Variants in AFG1L observed in about 807,000 individuals in gnomAD.
AFG1L encodes AFG1-like ATPase.
In AFG1L, 53 loss-of-function variants were observed where a neutral mutation model predicts 62.2. The ratio of observed to expected loss-of-function variants is 0.85; its 90% CI spans 0.68 to 1.07. The LOEUF (loss-of-function observed/expected upper bound fraction) is 1.07. AFG1L is among the 50% of genes least tolerant of loss of function. The pLI, the probability that AFG1L is intolerant of heterozygous loss-of-function variation, is 0.00. For missense variants in AFG1L, 555 were observed against 590.5 expected (o/e 0.94, Z 0.62); for synonymous variants, 228 against 210.3 (o/e 1.08, Z -0.73).
chr6:108,398,537 A>G (rs1015747325), intron 6 of AFG1L, among the ~76,000 whole-genome samples: 3 of 152,170 alleles, frequency 2.0e-5, no homozygotes, highest in East Asian at 1.9e-4. Flanking sequence ...GCTCAGACCA[A>G]TGTCCTGGAG....
chr6:108,436,468 C>A (rs1771315047), intron 7 of AFG1L, among the ~76,000 whole-genome samples: 1 of 152,088 alleles, frequency 6.6e-6, no homozygotes, highest in Non-Finnish European at 1.5e-5. Context: ...ACAAATAAAC[C>A]AATCTGTTTA....
At chr6:108,430,746 A>T (rs113664127) in intron 7 of AFG1L, among the ~76,000 whole-genome samples, 56 of 152,334 alleles carry the variant, frequency 3.7e-4, no homozygotes, top group African/African-American at 1.3e-3. Context: ...CTGTGACTAA[A>T]CATTTATTCT....
At chr6:108,332,897 C>T (rs867695349) in intron 2 of AFG1L, among the ~76,000 whole-genome samples, 3 of 152,180 alleles carry the variant, frequency 2.0e-5, no homozygotes, top group East Asian at 3.9e-4. Flanking sequence ...TGAGCCATCA[C>T]GCCCAGCCAG....
At chr6:108,328,024 T>G (rs549632320) in intron 2 of AFG1L, among the ~76,000 whole-genome samples, 11 of 152,330 alleles carry the variant, frequency 7.2e-5, no homozygotes, top group African/African-American at 2.6e-4. Context: ...ACAATGGTTA[T>G]AGGTAATGAT....
At chr6:108,312,989 A>G (rs17069479) in intron 1 of AFG1L, among the ~76,000 whole-genome samples, 1,801 of 152,274 alleles carry the variant, frequency 0.012, 34 homozygotes, top group African/African-American at 0.041. Context: ...TTTCACAGGT[A>G]GAAGTACAAA....
intron 8 of AFG1L, among the ~76,000 whole-genome samples, chr6:108,459,043 G>T (rs145401469): frequency 6.6e-6 from 1 of 152,208 alleles, no homozygotes; most frequent in African/African-American, 2.4e-5. Flanking sequence ...GCTTTAGTAG[G>T]ACTTTCCTCT....
intron 10 of AFG1L, among the ~76,000 whole-genome samples, chr6:108,486,753 C>G (rs1478136433): frequency 6.6e-6 from 1 of 152,002 alleles, no homozygotes; most frequent in Admixed American, 6.6e-5. Flanking sequence ...GAGTCTTGCT[C>G]TGTCACCCAG....
At chr6:108,309,444 A>G (rs1777322798) in intron 1 of AFG1L, among the ~76,000 whole-genome samples, 3 of 152,170 alleles carry the variant, frequency 2.0e-5, no homozygotes, top group Admixed American at 1.3e-4. Flanking sequence ...TTCTTTTTCA[A>G]GATTGACCAG....
At chr6:108,366,443 CTTA>C (rs1445191538) in intron 6 of AFG1L, 111 bp downstream of exon 6, 2 of 574,140 alleles carry the variant, frequency 3.5e-6, no homozygotes, top group Non-Finnish European at 5.8e-6. Context: ...GATGACTTTG[CTTA>C]TTATTAGTTT....
intron 6 of AFG1L, among the ~76,000 whole-genome samples, chr6:108,390,902 A>G (rs571869992): frequency 1.3e-5 from 2 of 152,054 alleles, no homozygotes; most frequent in Non-Finnish European, 2.9e-5. Context: ...TCAGTTGGAA[A>G]TGCAGAAATC....
At position 108,523,004 on chromosome 6, in the gene AFG1L, T is replaced by C. The variant is rs2114925005; in HGVS notation, c.*579T>C. ...ATATGTTTTTAACCCTGAGATCAAGTTTAGTAGGCAGGACTTGATCTCAAG... is the reference window on the plus strand; with the variant it reads ...ATATGTTTTTAACCCTGAGATCAAGCTTAGTAGGCAGGACTTGATCTCAAG... On this transcript the variant is annotated 3_prime_UTR_variant, in exon 13 of 13. Transcript: ENST00000368977. 1.3e-5 allele frequency: 2 copies of C among 151,884 alleles called. No individual in the cohort carries two copies. Among genetic ancestry groups the C allele is most frequent in the South Asian group, 4.2e-4 (2 of 4,810 alleles). 9.4% of individuals were successfully genotyped at this position (151,884 alleles called of 1,614,324 possible).
At chr6:108,295,832 T>A (rs1776748611) in intron 1 of AFG1L, 1 of 152,204 alleles carries the variant, frequency 6.6e-6, no homozygotes, top group African/African-American at 2.4e-5. Flanking sequence ...GAGTGCCAGT[T>A]TTACTGCTCT....
intron 1 of AFG1L, among the ~76,000 whole-genome samples, chr6:108,314,190 C>T (rs573215047): frequency 6.6e-6 from 1 of 151,998 alleles, no homozygotes; most frequent in Non-Finnish European, 1.5e-5. Flanking sequence ...GAGATCGCTC[C>T]ATTGTACTGC....
chr6:108,402,248 A>T (rs1352235838), intron 7 of AFG1L, among the ~76,000 whole-genome samples, 194 bp downstream of exon 7: 1 of 152,100 alleles, frequency 6.6e-6, no homozygotes, highest in Non-Finnish European at 1.5e-5. Flanking sequence ...GCGGATCACA[A>T]GGTCAGGAGT....
chr6:108,329,521 A>T (rs934910010), intron 2 of AFG1L, among the ~76,000 whole-genome samples: 1 of 150,702 alleles, frequency 6.6e-6, no homozygotes, highest in Non-Finnish European at 1.5e-5. Flanking sequence ...CTGTTCTCGA[A>T]CTCCTGACCT....
chr6:108,410,515 A>T (rs889459675), intron 7 of AFG1L, among the ~76,000 whole-genome samples: 14 of 152,012 alleles, frequency 9.2e-5, no homozygotes, highest in African/African-American at 3.1e-4. Context: ...CTGGTCAGCT[A>T]GGCTGTCATG....
At chr6:108,346,959 G>A in intron 2 of AFG1L, 29 bp from the exon 3 acceptor site, 1 of 1,545,768 alleles carries the variant, frequency 6.5e-7, no homozygotes, top group South Asian at 1.1e-5. Flanking sequence ...TTGCATGGTA[G>A]AGATTTATAA....
At chr6:108,379,000 CTT>C (rs931030207) in intron 6 of AFG1L, among the ~76,000 whole-genome samples, 5 of 123,064 alleles carry the variant, frequency 4.1e-5, no homozygotes, top group Admixed American at 8.4e-5. Context: ...TCTCCTTCTT[CTT>C]TTTTTTTTTT....
At chr6:108,346,205 A>G (rs571751429) in intron 2 of AFG1L, among the ~76,000 whole-genome samples, 10 of 152,288 alleles carry the variant, frequency 6.6e-5, no homozygotes, top group African/African-American at 1.9e-4. Flanking sequence ...ATTTTTTAAG[A>G]GTACAGTTCA....
Sources: allele counts gnomAD v4.1 joint callset (sites outside exome capture counted in the v4.1 genomes callset), GRCh38; gene constraint gnomAD v4.1.1; transcripts MANE v1.5; gene names NCBI Gene and HGNC (gene_info 2026-07-23, HGNC 2026-07-21).